XDH: variants seen among roughly 807,000 people sequenced by gnomAD.
XDH encodes xanthine dehydrogenase/oxidase.
Under a neutral mutation model 156.1 loss-of-function variants are expected in XDH, and 138 were observed. The ratio of observed to expected loss-of-function variants is 0.88; its 90% CI spans 0.77 to 1.02. The LOEUF (loss-of-function observed/expected upper bound fraction) is 1.02. Ranked by LOEUF, XDH falls within the 50% of genes least tolerant of loss-of-function variation. The pLI, the probability that XDH is intolerant of heterozygous loss-of-function variation, is 0.00. For synonymous variants in XDH, 669 were observed against 625.7 expected, an observed-to-expected ratio of 1.07 and a Z score of -1.03; for missense variants, 1,849 against 1,684.9, an observed-to-expected ratio of 1.10 and a Z score of -1.71.
Position 31,365,502 on chromosome 2 carries a change from G to A in XDH, c.2499C>T (p.Asp833=). ...GATGTCTGCCACCAGTTATCAGCAT[G>A]TCCTCATCACGGTCCAGCATGCATC... ...PVRCMLDRDE[D]MLITGGRHPF... The change falls in exon 23 of 36, where the codon GAC becomes GAT. Residue 833 remains aspartate (D), a synonymous_variant. Coordinates refer to ENST00000379416, the MANE Select transcript of XDH (RefSeq NM_000379.4). 6.2e-7 allele frequency: 1 copy of A among 1,614,146 alleles called. No homozygotes were observed.
chr2:31,343,556 T>C (rs1685198835), intron 31 of XDH, among the ~76,000 whole-genome samples: 1 of 144,260 alleles, frequency 6.9e-6, no homozygotes, highest in Admixed American at 6.9e-5. Context: ...ATATGCCTTA[T>C]ATAAGGCATA....
intron 12 of XDH, among the ~76,000 whole-genome samples, chr2:31,380,191 C>T (rs945234416): frequency 1.3e-5 from 2 of 152,202 alleles, no homozygotes; most frequent in Admixed American, 6.5e-5. Context: ...CAACCAGTTC[C>T]GTGTAGGGGG....
intron 34 of XDH, among the ~76,000 whole-genome samples, 199 bp downstream of exon 34, chr2:31,339,290 C>T (rs956734707): frequency 1.3e-5 from 2 of 152,180 alleles, no homozygotes; most frequent in Admixed American, 1.3e-4. Flanking sequence ...GTGCTCTCCT[C>T]AACCCAATTT....
At chr2:31,375,626 C>T in intron 14 of XDH, 72 bp from the exon 15 acceptor site, 1 of 1,541,936 alleles carries the variant, frequency 6.5e-7, no homozygotes, top group Non-Finnish European at 8.8e-7. Flanking sequence ...AGCTGTGTGC[C>T]CAGGGCCTCG....
intron 1 of XDH, among the ~76,000 whole-genome samples, chr2:31,412,659 T>TA (rs1687374834): frequency 6.6e-6 from 1 of 152,186 alleles, no homozygotes; most frequent in Admixed American, 6.5e-5. Flanking sequence ...ACTAAGTTCT[T>TA]ACAGCTTCTT....
chr2:31,339,567 T>G lies in XDH; in HGVS notation c.3696A>C (p.Ala1232=). Residue 1232 remains alanine (A), a synonymous_variant, in exon 34 of 36, where the codon GCA becomes GCC. Transcript: ENST00000379416. ...TRGPSTYKIP[A]FGSIPIEFRV... is the part of the protein sequence containing the mutation. ...TGAACTCAATGGGGATGCTGCCAAA[T>G]GCCGGGATCTTGTAGGTGCTAGGGC... 6.2e-7 allele frequency: 1 copy of G among 1,614,182 alleles called. No homozygotes were observed. The highest frequency in any genetic ancestry group is 8.5e-7 in the Non-Finnish European group (1 of 1,180,030).
At position 31,350,227 on chromosome 2, in the gene XDH, A is replaced by T; in HGVS notation, c.2632-4T>A. 1.9e-6 allele frequency: 3 copies of T among 1,614,056 alleles called. No homozygotes were observed. Among genetic ancestry groups the T allele is most frequent in the South Asian group, 1.1e-5 (1 of 91,076 alleles). On this transcript the variant is annotated splice_polypyrimidine_tract_variant and splice_region_variant and intron_variant, in intron 24 of 35. Coordinates refer to ENST00000379416, the MANE Select transcript of XDH (RefSeq NM_000379.4). ...GGAATAAAGCTCGTTCCATAATCTG[A>T]AGCAGAGGAAACAAAAATGGGAGAG...
At position 31,387,843 on chromosome 2, in the gene XDH, T is replaced by G; in HGVS notation, c.619A>C (p.Thr207Pro). ...TCTGGGGGAAAAATGGGCTCCTGGG[T>G]TGGATCCAGGGGCGTGAACTCCTCT... ...KPEEFTPLDP[T>P]QEPIFPPELL... Residue 207 changes from threonine (T) to proline (P), a missense_variant, in exon 8 of 36, where the codon ACC (threonine) becomes CCC (proline). Physicochemically the swap from Thr to Pro is conservative, Grantham distance 38 (BLOSUM62 -1). Transcript: ENST00000379416. 1 of 1,588,304 alleles carries G rather than the reference T, an allele frequency of 6.3e-7. No individual in the cohort carries two copies. The highest frequency in any genetic ancestry group is 8.6e-7 in the Non-Finnish European group (1 of 1,167,788).
At chr2:31,377,969 C>T (rs149299666) in intron 13 of XDH, among the ~76,000 whole-genome samples, 281 of 149,978 alleles carry the variant, frequency 1.9e-3, no homozygotes, top group African/African-American at 6.6e-3. Flanking sequence ...CACACTGAGC[C>T]GTGATCATGC....
intron 27 of XDH, 31 bp downstream of exon 27, chr2:31,348,868 G>A (rs768716818): frequency 5.5e-5 from 87 of 1,573,026 alleles, no homozygotes; most frequent in Non-Finnish European, 6.9e-5. Context: ...CCAGTCCAGC[G>A]GAGATGGACA....
At chr2:31,404,960 C>T (rs904558826) in intron 2 of XDH, among the ~76,000 whole-genome samples, 7 of 152,286 alleles carry the variant, frequency 4.6e-5, no homozygotes, top group Non-Finnish European at 8.8e-5. Flanking sequence ...TAGACACCCC[C>T]GCTAGGAGAA....
chr2:31,349,840 G>A lies in XDH; in HGVS notation c.2824-9C>T, dbSNP rs775491078. 1 of 1,613,858 alleles carries A rather than the reference G, an allele frequency of 6.2e-7. No homozygotes were observed. Among genetic ancestry groups the A allele is most frequent in the South Asian group, 1.1e-5 (1 of 91,054 alleles). On this transcript the variant is annotated splice_polypyrimidine_tract_variant and intron_variant, in intron 25 of 35. Coordinates refer to ENST00000379416, the MANE Select transcript of XDH (RefSeq NM_000379.4). ...AGGTTTTTTCTCCGCACCTTCCCAA[G>A]GAGAGAGACACAGAGGCCTTGTTGG...
chr2:31,372,137 C>A, intron 17 of XDH, 91 bp downstream of exon 17: 1 of 1,601,286 alleles, frequency 6.2e-7, no homozygotes, highest in South Asian at 1.1e-5. Flanking sequence ...CTTTGCATCT[C>A]CATGGCCTAG....
chr2:31,387,055 A>G (rs1170965819), intron 8 of XDH, among the ~76,000 whole-genome samples: 3 of 147,978 alleles, frequency 2.0e-5, no homozygotes, highest in Non-Finnish European at 4.5e-5. Flanking sequence ...AGTTTGTTAT[A>G]AGGGGATGCC....
intron 13 of XDH, 21 bp downstream of exon 13, chr2:31,379,846 G>T (rs368150202): frequency 6.2e-7 from 1 of 1,611,278 alleles, no homozygotes; most frequent in African/African-American, 1.3e-5. Context: ...GCAGAGCCTG[G>T]AACCACTTCC....
intron 17 of XDH, among the ~76,000 whole-genome samples, chr2:31,370,745 A>T (rs1686049512): frequency 6.6e-6 from 1 of 152,190 alleles, no homozygotes; most frequent in African/African-American, 2.4e-5. Context: ...CATGCCTATA[A>T]TCCCAGCACC....
chr2:31,403,069 T>A lies in XDH; in HGVS notation c.176A>T (p.Asp59Val). Residue 59 changes from aspartate to valine, a missense_variant, in exon 3 of 36, where the codon GAT becomes GTT. Physicochemically the swap from Asp to Val is radical, Grantham distance 152. Transcript: ENST00000379416. ...ATACACGATCTTGTTCTGCAGACGA[T>A]CATACTTGGAGAGCATCACTGTGCA... is the stretch of plus-strand genomic sequence containing the variant. Reference protein sequence around the residue: ...GACTVMLSKYDRLQNKIVHFS... With the variant: ...GACTVMLSKYVRLQNKIVHFS... 2 of 1,614,108 alleles carry A rather than the reference T, an allele frequency of 1.2e-6. No individual in the cohort carries two copies. Among genetic ancestry groups the A allele is most frequent in the Non-Finnish European group, 1.7e-6 (2 of 1,180,018 alleles).
intron 1 of XDH, among the ~76,000 whole-genome samples, chr2:31,407,997 C>T (rs1346110136): frequency 6.6e-6 from 1 of 152,138 alleles, no homozygotes; most frequent in Non-Finnish European, 1.5e-5. Flanking sequence ...TTGTTCATTT[C>T]TCCCGTACTG....
Position 31,414,584 on chromosome 2 carries a change from A to G in XDH, c.42+41T>C, listed in dbSNP as rs767771128. 5 of 1,611,690 alleles carry G rather than the reference A, an allele frequency of 3.1e-6. No individual in the cohort carries two copies. In the East Asian group the frequency reaches 1.1e-4, roughly 36 times the overall value. On this transcript the variant is annotated intron_variant, in intron 1 of 35. Coordinates refer to ENST00000379416, the MANE Select transcript of XDH (RefSeq NM_000379.4). The stretch of plus-strand genomic sequence containing the variant: ...TGCCAGAGGACACATTTCCCCTCCC[A>G]GGGAGAAGGGACACAAAACCAAAGG...
Sources: gnomAD v4.1 joint callset for allele counts (sites outside exome capture counted in the v4.1 genomes callset) on GRCh38, gnomAD v4.1.1 for gene constraint, MANE v1.5 for transcripts, NCBI Gene and HGNC (gene_info 2026-07-23, HGNC 2026-07-21) for gene names.